Variants in KCNG2 observed in about 807,000 individuals in gnomAD.
KCNG2 encodes potassium voltage-gated channel modifier subfamily G member 2.
KCNG2 carries 7 observed loss-of-function variants against 12.3 expected under a neutral mutation model. That is an observed-to-expected ratio of 0.57 (90% CI 0.32 to 1.07). The LOEUF is 1.07. Ranked by LOEUF, KCNG2 falls within the 50% of genes least tolerant of loss-of-function variation. KCNG2 has a pLI of 0.04. For missense variants in KCNG2, 703 were observed against 726.0 expected, an observed-to-expected ratio of 0.97 and a Z score of 0.36; for synonymous variants, 414 against 351.4, an observed-to-expected ratio of 1.18 and a Z score of -1.99.
chr18:79,860,265 A>C (rs1979164189), intron 2 of KCNG2, among the ~76,000 whole-genome samples: 3 of 152,184 alleles, frequency 2.0e-5, no homozygotes, highest in Non-Finnish European at 4.4e-5. Flanking sequence ...TTTCCAATAG[A>C]ATTTTCAACT....
chr18:79,893,197 GT>G (rs1280079356), intron 3 of KCNG2, among the ~76,000 whole-genome samples: 3 of 151,884 alleles, frequency 2.0e-5, no homozygotes, highest in Non-Finnish European at 2.9e-5. Context: ...TTTTGATTGG[GT>G]TCTTCACTCC....
intron 3 of KCNG2, among the ~76,000 whole-genome samples, chr18:79,882,347 T>TA (rs1568269524): frequency 1.3e-5 from 2 of 152,130 alleles, no homozygotes; most frequent in Non-Finnish European, 2.9e-5. Flanking sequence ...TCATCTCTAT[T>TA]AAAAAAATTC....
intron 1 of KCNG2, among the ~76,000 whole-genome samples, chr18:79,811,824 T>C (rs1416866422): frequency 6.6e-6 from 1 of 151,816 alleles, no homozygotes. Context: ...ATAACAACAG[T>C]TTTTTAAACT....
intron 3 of KCNG2, among the ~76,000 whole-genome samples, chr18:79,895,024 T>C (rs1980910531): frequency 2.0e-5 from 3 of 151,956 alleles, no homozygotes; most frequent in Non-Finnish European, 4.4e-5. Flanking sequence ...ACGATTGATA[T>C]AGTTAGGTCT....
Position 79,863,898 on chromosome 18 carries a change from CT to C in KCNG2, c.233del (p.Phe78SerfsTer119). 2 of 1,447,620 alleles carry C rather than the reference CT, an allele frequency of 1.4e-6. No homozygotes were observed. The highest frequency in any genetic ancestry group is 1.8e-6 in the Non-Finnish European group (2 of 1,096,416). 89.7% of individuals were successfully genotyped at this position (1,447,620 alleles called of 1,614,324 possible). ...EFFFDRSPCA[F>X]RAIVALLRAG... ...TCTTCTTCGACCGCAGCCCGTGCGC[CT>C]TCCGCGCCATCGTGGCGCTTTTGCG... On this transcript the variant is annotated frameshift_variant, in exon 3 of 4. Coordinates refer to ENST00000316249, the MANE Select transcript of KCNG2 (RefSeq NM_012283.2). LOFTEE classifies it high-confidence loss of function.
chr18:79,819,658 G>T (rs1191388817), intron 1 of KCNG2, among the ~76,000 whole-genome samples: 1 of 152,232 alleles, frequency 6.6e-6, no homozygotes, highest in Non-Finnish European at 1.5e-5. Context: ...TGCAATAGAG[G>T]CCGTCCACCT....
intron 3 of KCNG2, among the ~76,000 whole-genome samples, chr18:79,890,618 C>T (rs1980711814): frequency 6.6e-6 from 1 of 152,220 alleles, no homozygotes; most frequent in Non-Finnish European, 1.5e-5. Flanking sequence ...TAGCCTCCAG[C>T]TGCAGAGGAC....
Position 79,899,081 on chromosome 18 carries a change from G to T in KCNG2, c.666G>T (p.Glu222Asp), listed in dbSNP as rs553043834. ...SPKCRSLFVL[E>D]TVCVAWFSFE... ...AGTGCCGCAGCCTGTTCGTGCTGGA[G>T]ACCGTGTGCGTGGCCTGGTTCTCCT... Residue 222 changes from glutamate (E) to aspartate (D), a missense_variant, in exon 4 of 4, where the codon GAG (glutamate) becomes GAT (aspartate). Glu to Asp is a conservative substitution (Grantham distance 45). Transcript: ENST00000316249. The T allele has an allele frequency of 5.6e-6, 9 of 1,597,016 alleles. No individual in the cohort carries two copies. In the African/African-American group the frequency reaches 8.1e-5, roughly 14 times the overall value.
At chr18:79,881,875 G>A (rs1487094886) in intron 3 of KCNG2, among the ~76,000 whole-genome samples, 1 of 152,226 alleles carries the variant, frequency 6.6e-6, no homozygotes, top group African/African-American at 2.4e-5. Flanking sequence ...CAGGCGTGGG[G>A]TCGTGGACAC....
intron 1 of KCNG2, among the ~76,000 whole-genome samples, chr18:79,839,389 A>T (rs1246312936): frequency 6.6e-6 from 1 of 152,226 alleles, no homozygotes; most frequent in Non-Finnish European, 1.5e-5. Flanking sequence ...AATAGAGGAC[A>T]TAACTGCATA....
At chr18:79,812,884 A>G (rs910247177) in intron 1 of KCNG2, among the ~76,000 whole-genome samples, 2 of 151,900 alleles carry the variant, frequency 1.3e-5, no homozygotes, top group Admixed American at 1.3e-4. Context: ...TAGGCCAGGC[A>G]CAGTGGCTCA....
intron 2 of KCNG2, among the ~76,000 whole-genome samples, chr18:79,856,695 G>T (rs1353810846): frequency 6.6e-6 from 1 of 152,114 alleles, no homozygotes; most frequent in Non-Finnish European, 1.5e-5. Context: ...TCACGGGGCC[G>T]TCTGCCACGC....
In KCNG2 at chr18:79,829,251, CGT is replaced by C. The variant is rs948086116; in HGVS notation, c.-114-27121_-114-27120del. Among the ~76,000 whole-genome samples the C allele has an allele frequency of 2.0e-4, 27 of 136,214 alleles. 1 individual carries two copies. Among genetic ancestry groups the C allele is most frequent in the African/African-American group, 6.5e-4 (23 of 35,588 alleles). 89.4% of individuals were successfully genotyped at this position (136,214 alleles called of 152,430 possible). On this transcript the variant is annotated intron_variant, in intron 1 of 3. Coordinates refer to ENST00000316249, the MANE Select transcript of KCNG2 (RefSeq NM_012283.2). ...AACGTGTCTGTGTGTAATGTGTCTGCGTGTGTGTCTGTGTGTGCATGTGTCTG... is the reference window on the plus strand; with the variant it reads ...AACGTGTCTGTGTGTAATGTGTCTGCGTGTGTCTGTGTGTGCATGTGTCTG...
intron 3 of KCNG2, among the ~76,000 whole-genome samples, chr18:79,878,117 C>T (rs1483607780): frequency 6.6e-6 from 1 of 152,278 alleles, no homozygotes; most frequent in Non-Finnish European, 1.5e-5. Context: ...GCTGAACCCT[C>T]ACTAGTCCCA....
chr18:79,828,977 C>G (rs1215123709), intron 1 of KCNG2, among the ~76,000 whole-genome samples: 5 of 104,716 alleles, frequency 4.8e-5, no homozygotes, highest in Non-Finnish European at 5.6e-5. Flanking sequence ...ATGTGGGTGT[C>G]TATGTGTGCG....
chr18:79,804,149 C>T (rs2087431529), intron 1 of KCNG2, among the ~76,000 whole-genome samples: 1 of 152,210 alleles, frequency 6.6e-6, no homozygotes, highest in Admixed American at 6.5e-5. Flanking sequence ...AGGCACTGCT[C>T]AACCCCACCC....
intron 1 of KCNG2, among the ~76,000 whole-genome samples, chr18:79,827,468 G>A (rs1033736643): frequency 1.3e-5 from 2 of 152,212 alleles, no homozygotes; most frequent in African/African-American, 4.8e-5. Context: ...AGGGCCTGGG[G>A]ACTGGTAGTT....
In KCNG2 at chr18:79,822,908, G is replaced by A. The variant is rs372214617; in HGVS notation, c.-115+24894G>A. Among the ~76,000 whole-genome samples the A allele has an allele frequency of 1.3e-4, 20 of 152,340 alleles. 1 individual carries two copies. The South Asian group carries it at 2.7e-3, about 21-fold the overall frequency. On this transcript the variant is annotated intron_variant, in intron 1 of 3. Transcript: ENST00000316249. This position sits in a 1 kb window ranked among gnomAD's most constrained non-coding sequence, Gnocchi z 4.4. ...TGAGGCACCTGGGCTTATCGTGGGC[G>A]TTGGTGTTGCGTGTGGGTGTGGCTC...
chr18:79,842,523 G>T (rs987881835), intron 1 of KCNG2, among the ~76,000 whole-genome samples: 2 of 152,160 alleles, frequency 1.3e-5, no homozygotes, highest in African/African-American at 4.8e-5. Flanking sequence ...AAGAAATGGA[G>T]ATCTACAAAC....
Sources: allele counts gnomAD v4.1 joint callset (sites outside exome capture counted in the v4.1 genomes callset), GRCh38; gene constraint gnomAD v4.1.1; non-coding constraint Gnocchi (gnomAD v3.1); transcripts MANE v1.5; gene names NCBI Gene and HGNC (gene_info 2026-07-23, HGNC 2026-07-21).